The following COPG2 variants were observed in gnomAD, a reference collection of about 807,000 sequenced individuals.
The protein encoded by COPG2 is coatomer subunit gamma-2.
COPG2 carries 37 observed loss-of-function variants against 46.3 expected under a neutral mutation model. The observed-to-expected ratio is 0.80, with a 90% CI of 0.61 to 1.05. The LOEUF is 1.05. Among genes scored for constraint, COPG2 ranks in the 50% least tolerant of loss-of-function variants. The pLI is 0.00. For synonymous variants in COPG2, 159 were observed against 129.7 expected, an observed-to-expected ratio of 1.23 and a Z score of -1.53; for missense variants, 427 against 387.8, an observed-to-expected ratio of 1.10 and a Z score of -0.85.
rs59572019 is a variant in COPG2, at chr7:130,651,494, A to ATTTTTTTTTTT, written c.323+1364_323+1374dup. 2.4e-3 allele frequency among the ~76,000 whole-genome samples: 138 copies of ATTTTTTTTTTT among 57,258 alleles called. 1 individual carries two copies. The highest frequency in any genetic ancestry group is 3.5e-3 in the African/African-American group (50 of 14,114). 37.6% of individuals were successfully genotyped at this position (57,258 alleles called of 152,430 possible). On this transcript the variant is annotated intron_variant, in intron 5 of 23. Transcript: ENST00000425248. ...ACCAATGCCTGGCTAATTTTTTTGTATTTTTTTTTTTTTTTTTTTTTTTTT... is the reference window on the plus strand; with the variant it reads ...ACCAATGCCTGGCTAATTTTTTTGTATTTTTTTTTTTTTTTTTTTTTTTTTTTTTTTTTTTT...
chr7:130,625,899 T>C (rs1213751791), intron 5 of COPG2, among the ~76,000 whole-genome samples: 2 of 152,194 alleles, frequency 1.3e-5, no homozygotes, highest in African/African-American at 4.8e-5. Context: ...TTCCTTTTCA[T>C]TGATAAAAGG....
intron 9 of COPG2, among the ~76,000 whole-genome samples, chr7:130,593,737 T>C (rs1232416975): frequency 1.3e-5 from 2 of 150,258 alleles, no homozygotes; most frequent in Admixed American, 6.7e-5. Flanking sequence ...AGAAATTAAA[T>C]TGCTACCTTA....
chr7:130,506,365 T>G lies in COPG2; in HGVS notation c.*311A>C, dbSNP rs1467118704. 1 of 118,692 alleles carries G rather than the reference T, an allele frequency of 8.4e-6. No homozygotes were observed. Among genetic ancestry groups the G allele is most frequent in the East Asian group, 2.8e-4 (1 of 3,532 alleles). 7.4% of individuals were successfully genotyped at this position (118,692 alleles called of 1,614,324 possible). A position where few individuals can be genotyped will look rare whatever the true frequency, so the allele number is the denominator to read the frequency against. On this transcript the variant is annotated 3_prime_UTR_variant, in exon 24 of 24. Transcript: ENST00000425248. ...AAAATTTTCCAGCATTGCCAGGAGC[T>G]TTCAGGTACACATTAAAGAATAAAA...
rs1490721271 is a variant in COPG2, at chr7:130,561,304, A to G, written c.940-83T>C. The G allele has an allele frequency of 4.8e-5, 19 of 397,750 alleles. No homozygotes were observed. The Admixed American group carries it at 6.6e-4, about 14-fold the overall frequency. 24.6% of individuals were successfully genotyped at this position (397,750 alleles called of 1,614,324 possible). A position where few individuals can be genotyped will look rare whatever the true frequency, so the allele number is the denominator to read the frequency against. ...TAAATTTTAATTGAGGTAAGTGGCAATCCAAAGAGGACAGGATAAGTTAAA... is the reference window on the plus strand; with the variant it reads ...TAAATTTTAATTGAGGTAAGTGGCAGTCCAAAGAGGACAGGATAAGTTAAA... On this transcript the variant is annotated intron_variant, in intron 11 of 23. Coordinates refer to ENST00000425248, the MANE Select transcript of COPG2 (RefSeq NM_012133.6).
At chr7:130,629,851 T>C (rs935965577) in intron 5 of COPG2, among the ~76,000 whole-genome samples, 1 of 152,156 alleles carries the variant, frequency 6.6e-6, no homozygotes, top group Non-Finnish European at 1.5e-5. Context: ...AGTCTACGAA[T>C]GAATCTGAAA....
At chr7:130,655,782 C>A (rs182249766) in intron 4 of COPG2, among the ~76,000 whole-genome samples, 1 of 152,248 alleles carries the variant, frequency 6.6e-6, no homozygotes, top group East Asian at 1.9e-4. Context: ...TGCCTATTAT[C>A]CAATATCTGA....
intron 20 of COPG2, among the ~76,000 whole-genome samples, chr7:130,522,570 A>C (rs2116347716): frequency 1.3e-5 from 2 of 152,082 alleles, no homozygotes; most frequent in South Asian, 4.2e-4. Context: ...AATCCTTTTC[A>C]AGAGTCGGAG....
At chr7:130,508,923 A>C in intron 20 of COPG2, 2 of 521,616 alleles carry the variant, frequency 3.8e-6, no homozygotes, top group South Asian at 3.5e-5. Context: ...ATTGGTATGA[A>C]GAAAGCAGCA....
At chr7:130,601,393 G>A (rs1285630203) in intron 9 of COPG2, among the ~76,000 whole-genome samples, 2 of 152,174 alleles carry the variant, frequency 1.3e-5, no homozygotes, top group African/African-American at 2.4e-5. Context: ...ATTCACAATA[G>A]CAAAGACTTG....
chr7:130,518,268 C>T (rs1047815878), intron 20 of COPG2, among the ~76,000 whole-genome samples: 12 of 152,060 alleles, frequency 7.9e-5, no homozygotes, highest in Non-Finnish European at 1.8e-4. Context: ...GCAAATGTAA[C>T]ATCAAGATAG....
rs1793655722 is a variant in COPG2, at chr7:130,557,840, C to CAAAAAAAAAA, written c.1129-2709_1129-2708insTTTTTTTTTT. 2.3e-3 allele frequency among the ~76,000 whole-genome samples: 52 copies of CAAAAAAAAAA among 22,384 alleles called. 11 individuals are homozygous for CAAAAAAAAAA. Among genetic ancestry groups the CAAAAAAAAAA allele is most frequent in the African/African-American group, 6.2e-3 (36 of 5,842 alleles). The allele number at this position is 22,384 out of a possible 152,430, so 14.7% of individuals were successfully genotyped here. A position where few individuals can be genotyped will look rare whatever the true frequency, so the allele number is the denominator to read the frequency against. Reference sequence around the variant, plus strand: ...CTCAAAAAAAAAAAAAAAAAAAAATCATGCAAGAATAGCCAGGAAAACAAT... The same window carrying CAAAAAAAAAA: ...CTCAAAAAAAAAAAAAAAAAAAAATCAAAAAAAAAAATGCAAGAATAGCCAGGAAAACAAT... On this transcript the variant is annotated intron_variant, in intron 12 of 23. Transcript: ENST00000425248.
At chr7:130,570,985 T>C (rs941026965) in intron 9 of COPG2, among the ~76,000 whole-genome samples, 3 of 152,156 alleles carry the variant, frequency 2.0e-5, no homozygotes, top group Non-Finnish European at 4.4e-5. Context: ...GCTGGGCTAA[T>C]TGGCTAGCCA....
chr7:130,656,929 T>C (rs1004561770), intron 4 of COPG2, among the ~76,000 whole-genome samples: 2 of 150,650 alleles, frequency 1.3e-5, no homozygotes, highest in Non-Finnish European at 3.0e-5. Context: ...CATTTTTATA[T>C]CTATATAAAA....
At chr7:130,654,427 A>G (rs1418661682) in intron 4 of COPG2, among the ~76,000 whole-genome samples, 2 of 152,200 alleles carry the variant, frequency 1.3e-5, no homozygotes, top group African/African-American at 4.8e-5. Context: ...ATCATTCCAG[A>G]GTAACTCAGA....
At chr7:130,631,746 TTTTC>T (rs1554455224) in intron 5 of COPG2, among the ~76,000 whole-genome samples, 1 of 123,972 alleles carries the variant, frequency 8.1e-6, no homozygotes, top group East Asian at 2.3e-4. Flanking sequence ...TACTAAATTC[TTTTC>T]TTTAAGCAGT....
chr7:130,597,097 TG>T (rs533412171), intron 9 of COPG2, among the ~76,000 whole-genome samples: 218 of 152,248 alleles, frequency 1.4e-3, no homozygotes, highest in Non-Finnish European at 2.3e-3. Context: ...GGGAACCAAA[TG>T]GGACACCAGA....
chr7:130,647,915 A>G (rs1584607900), intron 5 of COPG2, among the ~76,000 whole-genome samples: 1 of 151,816 alleles, frequency 6.6e-6, no homozygotes, highest in East Asian at 1.9e-4. Flanking sequence ...TATTTTTAGT[A>G]GAGACAGGGT....
At position 130,583,805 on chromosome 7, in the gene COPG2, C is replaced by CAAAA. The variant is rs1168370976; in HGVS notation, c.738-19416_738-19413dup. On this transcript the variant is annotated intron_variant, in intron 9 of 23. Coordinates refer to ENST00000425248, the MANE Select transcript of COPG2 (RefSeq NM_012133.6). ...CTGGCAACAGAGCGAGACTCCATCTCAAAAAAAAAAAAAAAAAAAAAAAAA... is the reference window on the plus strand; with the variant it reads ...CTGGCAACAGAGCGAGACTCCATCTCAAAAAAAAAAAAAAAAAAAAAAAAAAAAA... Among the ~76,000 whole-genome samples the CAAAA allele has an allele frequency of 5.7e-4, 7 of 12,358 alleles. 1 individual carries two copies. Among genetic ancestry groups the CAAAA allele is most frequent in the South Asian group, 3.3e-3 (1 of 306 alleles). The allele number at this position is 12,358 out of a possible 152,430, so 8.1% of individuals were successfully genotyped here.
In COPG2 at chr7:130,580,448, G is replaced by C. The variant is rs1260048209; in HGVS notation, c.738-16055C>G. Among the ~76,000 whole-genome samples the C allele has an allele frequency of 1.0e-4, 8 of 77,970 alleles. No homozygotes were observed. The East Asian group carries it at 2.4e-3, about 23-fold the overall frequency. The allele number at this position is 77,970 out of a possible 152,430, so 51.2% of individuals were successfully genotyped here. Reference sequence around the variant, plus strand: ...ACAATTAAAAGAACTAGAAAAGCAAGAGCAAACACATTCAAAAGCTAGCAG... The same window carrying C: ...ACAATTAAAAGAACTAGAAAAGCAACAGCAAACACATTCAAAAGCTAGCAG... On this transcript the variant is annotated intron_variant, in intron 9 of 23. Transcript: ENST00000425248.
Sources: allele counts gnomAD v4.1 joint callset (sites outside exome capture counted in the v4.1 genomes callset), GRCh38; gene constraint gnomAD v4.1.1; transcripts MANE v1.5; gene names NCBI Gene and HGNC (gene_info 2026-07-23, HGNC 2026-07-21).